Variants in SGCE observed in about 807,000 individuals in gnomAD.
SGCE encodes epsilon-sarcoglycan.
In SGCE, 26 loss-of-function variants were observed where a neutral mutation model predicts 57.8. That is an observed-to-expected ratio of 0.45 (90% confidence interval 0.33 to 0.62). The LOEUF (loss-of-function observed/expected upper bound fraction) is 0.62, where lower values mean the gene tolerates loss of function less well. Ranked by LOEUF, SGCE falls within the 20% of genes least tolerant of loss-of-function variation. The probability of loss-of-function intolerance (pLI) is 0.02; values close to 1 mark genes in which losing one functional copy is unlikely to be tolerated. For missense variants in SGCE, 468 were observed against 548.6 expected, an observed-to-expected ratio of 0.85 and a Z score of 1.47; for synonymous variants, 183 against 189.5, an observed-to-expected ratio of 0.97 and a Z score of 0.28.
intron 3 of SGCE, chr7:94,624,275 T>C (rs1803345503): frequency 2.5e-6 from 1 of 397,908 alleles, no homozygotes; most frequent in African/African-American, 2.1e-5. Context: ...AGGATAAAAC[T>C]GACTTCAACT....
At chr7:94,589,434 A>G (rs961110173) in intron 9 of SGCE, 7 of 153,500 alleles carry the variant, frequency 4.6e-5, no homozygotes, top group African/African-American at 1.7e-4. Context: ...TTCCTCATTT[A>G]CATTCTTGTC....
chr7:94,598,876 C>G lies in SGCE; in HGVS notation c.1152G>C (p.Leu384=), dbSNP rs775351067. The part of the protein sequence containing the change: ...MSKNREIAWP[L]STLPVFHPVT... The stretch of plus-strand genomic sequence containing the variant: ...CAGGGTGGAACACAGGAAGCGTTGA[C>G]AGGGGCCATGCTATCTCTCTATTCT... Residue 384 remains leucine, a synonymous_variant, in exon 9 of 11, where the codon CTG becomes CTC. Transcript: ENST00000648936. 6.2e-7 allele frequency: 1 copy of G among 1,613,418 alleles called. No homozygotes were observed. The highest frequency in any genetic ancestry group is 1.1e-5 in the South Asian group (1 of 91,072).
chr7:94,604,919 A>G (rs1314422844), intron 5 of SGCE, among the ~76,000 whole-genome samples: 2 of 143,940 alleles, frequency 1.4e-5, no homozygotes, highest in African/African-American at 5.1e-5. Context: ...CGTCCTACCT[A>G]AGAAGGCAAA....
intron 1 of SGCE, among the ~76,000 whole-genome samples, chr7:94,648,552 AT>A (rs1376764052): frequency 2.0e-5 from 3 of 152,174 alleles, no homozygotes; most frequent in Non-Finnish European, 4.4e-5. Flanking sequence ...TAGATGAAAA[AT>A]AATACTGTAC....
At chr7:94,623,883 C>G (rs1281976629) in intron 3 of SGCE, 8 of 356,698 alleles carry the variant, frequency 2.2e-5, no homozygotes, top group Non-Finnish European at 4.0e-5. Flanking sequence ...ATAAATAACC[C>G]TTTGGAAATC....
At position 94,585,255 on chromosome 7, in the gene SGCE, A is replaced by G. The variant is rs1442164342; in HGVS notation, c.*244T>C. The G allele has an allele frequency of 2.2e-6, 1 of 448,072 alleles. No individual in the cohort carries two copies. Among genetic ancestry groups the G allele is most frequent in the African/African-American group, 2.0e-5 (1 of 51,074 alleles). 27.8% of individuals were successfully genotyped at this position (448,072 alleles called of 1,614,324 possible). A position where few individuals can be genotyped will look rare whatever the true frequency, so the allele number is the denominator to read the frequency against. ...TTCATTAATAATATTTATTTTAAAG[A>G]TCAACTTTTATTGTAACAAATATAA... is the stretch of plus-strand genomic sequence containing the variant. On this transcript the variant is annotated 3_prime_UTR_variant, in exon 11 of 11. Coordinates refer to ENST00000648936, the MANE Select transcript of SGCE (RefSeq NM_003919.3).
At chr7:94,604,627 C>A (rs1214569594) in intron 5 of SGCE, among the ~76,000 whole-genome samples, 1 of 149,552 alleles carries the variant, frequency 6.7e-6, no homozygotes, top group Non-Finnish European at 1.5e-5. Context: ...CAAGACAATT[C>A]AAAAAGGAAA....
chr7:94,651,719 A>G (rs951328125), intron 1 of SGCE, among the ~76,000 whole-genome samples: 1 of 152,172 alleles, frequency 6.6e-6, no homozygotes, highest in Non-Finnish European at 1.5e-5. Context: ...GAAACTGGAG[A>G]TTTGTTTTTT....
chr7:94,608,843 T>C (rs953333973), intron 5 of SGCE, among the ~76,000 whole-genome samples: 3 of 152,182 alleles, frequency 2.0e-5, no homozygotes, highest in African/African-American at 4.8e-5. Context: ...TTTGAACAAA[T>C]GGTGTTGAAA....
At chr7:94,599,853 A>C in intron 7 of SGCE, 130 bp from the exon 8 acceptor site, 1 of 732,398 alleles carries the variant, frequency 1.4e-6, no homozygotes, top group Admixed American at 1.9e-5. Flanking sequence ...ACCAGGCAGC[A>C]TTTGCCACCA....
At chr7:94,585,824 A>G (rs1198148652) in intron 10 of SGCE, among the ~76,000 whole-genome samples, 2 of 152,066 alleles carry the variant, frequency 1.3e-5, no homozygotes, top group African/African-American at 4.8e-5. Context: ...GTATAACTGT[A>G]CCTTTTAATC....
At chr7:94,614,077 CA>C (rs1433485364) in intron 5 of SGCE, among the ~76,000 whole-genome samples, 1 of 125,984 alleles carries the variant, frequency 7.9e-6, no homozygotes, top group Non-Finnish European at 1.6e-5. Flanking sequence ...CTGCATTTGG[CA>C]CTTAATTTTC....
intron 5 of SGCE, among the ~76,000 whole-genome samples, chr7:94,608,246 C>CCAGGGGTTGAACCCAGGAGG (rs1306517876): frequency 6.6e-6 from 1 of 152,088 alleles, no homozygotes; most frequent in African/African-American, 2.4e-5. Flanking sequence ...GGAGGCTGAG[C>CCAGGGGTTGAACCCAGGAGG]CAGGGGTTGA....
intron 3 of SGCE, chr7:94,625,410 G>A (rs890233118): frequency 4.0e-5 from 6 of 151,696 alleles, no homozygotes; most frequent in African/African-American, 1.2e-4. Flanking sequence ...AACACAGTAT[G>A]TTAGTCATAA....
At chr7:94,628,512 A>G (rs1804131274) in intron 2 of SGCE, 153 bp from the exon 3 acceptor site, 1 of 598,518 alleles carries the variant, frequency 1.7e-6, no homozygotes, top group Admixed American at 3.0e-5. Context: ...AATTTAAATT[A>G]GGGCACCACG....
chr7:94,603,274 C>T lies in SGCE; in HGVS notation c.825+16G>A. ...TTATTTTTAACTAAACTTGCAAAAA[C>T]AAAATAAAAACTTACCAATGAAATT... is the stretch of plus-strand genomic sequence containing the variant. On this transcript the variant is annotated intron_variant, in intron 6 of 10. Transcript: ENST00000648936. The T allele has an allele frequency of 1.2e-6, 2 of 1,604,782 alleles. No individual in the cohort carries two copies. Among genetic ancestry groups the T allele is most frequent in the Non-Finnish European group, 1.7e-6 (2 of 1,173,082 alleles).
At position 94,624,002 on chromosome 7, in the gene SGCE, A is replaced by G. The variant is rs562409581; in HGVS notation, c.391-605T>C. The G allele has an allele frequency of 2.8e-3, 1,086 of 390,764 alleles. 7 individuals carry two copies. Among genetic ancestry groups the G allele is most frequent in the Non-Finnish European group, 3.8e-3 (848 of 221,288 alleles). 24.2% of individuals were successfully genotyped at this position (390,764 alleles called of 1,614,324 possible). A position where few individuals can be genotyped will look rare whatever the true frequency, so the allele number is the denominator to read the frequency against. On this transcript the variant is annotated intron_variant, in intron 3 of 10. Coordinates refer to ENST00000648936, the MANE Select transcript of SGCE (RefSeq NM_003919.3). ...CCTTCATACGGGCAAATATTAGTAA[A>G]CATTTGCAGAGCCAATAGACTTACA...
chr7:94,606,139 C>G (rs551328813), intron 5 of SGCE, among the ~76,000 whole-genome samples: 1 of 152,166 alleles, frequency 6.6e-6, no homozygotes, highest in African/African-American at 2.4e-5. Context: ...TCAATAATCA[C>G]TTTAAACATC....
chr7:94,648,376 C>CAAAAAAAA lies in SGCE; in HGVS notation c.109+7606_109+7613dup, dbSNP rs71123907. Among the ~76,000 whole-genome samples the CAAAAAAAA allele has an allele frequency of 1.9e-3, 121 of 65,086 alleles. 1 individual carries two copies. The highest frequency in any genetic ancestry group is 7.0e-3 in the African/African-American group (109 of 15,674). The allele number at this position is 65,086 out of a possible 152,430, so 42.7% of individuals were successfully genotyped here. The stretch of plus-strand genomic sequence containing the variant: ...GGCAACAAGAACAAAACTCTGTCTC[C>CAAAAAAAA]AAAAAAAAAAAAAAAAAAAAAAGAA... On this transcript the variant is annotated intron_variant, in intron 1 of 10. Coordinates refer to ENST00000648936, the MANE Select transcript of SGCE (RefSeq NM_003919.3).
Sources: allele counts gnomAD v4.1 joint callset (sites outside exome capture counted in the v4.1 genomes callset), GRCh38; gene constraint gnomAD v4.1.1; transcripts MANE v1.5; gene names NCBI Gene and HGNC (gene_info 2026-07-23, HGNC 2026-07-21).